Variants in SCP2 observed in about 807,000 individuals in gnomAD.
SCP2 encodes sterol carrier protein 2.
SCP2 carries 48 observed loss-of-function variants against 71.4 expected under a neutral mutation model. The ratio of observed to expected loss-of-function variants is 0.67; its 90% CI spans 0.53 to 0.86. The LOEUF is 0.86. SCP2 is among the 40% of genes least tolerant of loss of function. SCP2 has a pLI of 0.00. For synonymous variants in SCP2, 220 were observed against 218.1 expected (o/e 1.01, Z -0.08); for missense variants, 560 against 655.6 (o/e 0.85, Z 1.59).
chr1:52,939,113 T>TC (rs1286396140), intron 1 of SCP2, among the ~76,000 whole-genome samples: 1 of 152,246 alleles, frequency 6.6e-6, no homozygotes, highest in Non-Finnish European at 1.5e-5. Flanking sequence ...TTCCATGTTT[T>TC]CTCATAGCTT....
intron 5 of SCP2, among the ~76,000 whole-genome samples, chr1:52,955,256 A>G (rs1655690988): frequency 6.6e-6 from 1 of 152,230 alleles, no homozygotes; most frequent in Non-Finnish European, 1.5e-5. Flanking sequence ...TGAGTGCCAG[A>G]GAATTAACAT....
chr1:52,959,670 A>T, intron 5 of SCP2, among the ~76,000 whole-genome samples: 1 of 151,952 alleles, frequency 6.6e-6, no homozygotes, highest in East Asian at 1.9e-4. Flanking sequence ...CCTTCACGGA[A>T]TTTGTCCAGT....
chr1:52,956,414 C>T (rs1257339310), intron 5 of SCP2, among the ~76,000 whole-genome samples: 2 of 152,176 alleles, frequency 1.3e-5, no homozygotes, highest in Non-Finnish European at 2.9e-5. Flanking sequence ...CATTAAAGGA[C>T]CTCTACCCCA....
intron 12 of SCP2, among the ~76,000 whole-genome samples, chr1:53,021,315 C>G (rs1661704293): frequency 7.8e-6 from 1 of 127,740 alleles, no homozygotes; most frequent in Non-Finnish European, 1.6e-5. Context: ...GGCCGTCAAC[C>G]ACTTTTTTTT....
intron 12 of SCP2, among the ~76,000 whole-genome samples, chr1:53,021,313 A>G (rs953969470): frequency 1.6e-5 from 2 of 124,514 alleles, no homozygotes; most frequent in Non-Finnish European, 3.2e-5. Context: ...CTGGCCGTCA[A>G]CCACTTTTTT....
intron 11 of SCP2, chr1:52,994,044 G>T (rs969816148): frequency 8.6e-7 from 1 of 1,159,710 alleles, no homozygotes; most frequent in Non-Finnish European, 1.1e-6. Flanking sequence ...TACCGTATCT[G>T]TATGTAAATG....
chr1:52,934,856 G>A (rs1653551005), intron 1 of SCP2: 1 of 149,172 alleles, frequency 6.7e-6, no homozygotes, highest in African/African-American at 2.4e-5. Context: ...TAGTAGAGAT[G>A]GGGTTTCACG....
chr1:52,996,174 G>C, intron 11 of SCP2: 1 of 392,298 alleles, frequency 2.5e-6, no homozygotes, highest in Non-Finnish European at 4.5e-6. Context: ...CACTCAATAA[G>C]TATTTGTCTG....
intron 14 of SCP2, among the ~76,000 whole-genome samples, chr1:53,039,358 T>A (rs1349263885): frequency 6.6e-6 from 1 of 152,224 alleles, no homozygotes; most frequent in African/African-American, 2.4e-5. Context: ...CTTCTGTAAA[T>A]GGGCTTAATA....
At chr1:52,975,300 CCTCCCG>C (rs1657863324) in intron 7 of SCP2, among the ~76,000 whole-genome samples, 2 of 152,286 alleles carry the variant, frequency 1.3e-5, no homozygotes, top group East Asian at 1.9e-4. Flanking sequence ...CCTGCCTCAG[CCTCCCG>C]AGTAGCTGGG....
intron 11 of SCP2, among the ~76,000 whole-genome samples, chr1:52,989,420 C>T (rs1557590473): frequency 2.6e-5 from 4 of 152,278 alleles, no homozygotes; most frequent in South Asian, 2.1e-4. Context: ...GTGAGAGCAA[C>T]GAGCTTTGTG....
At chr1:53,029,132 ATTAG>A (rs1662343783) in intron 13 of SCP2, among the ~76,000 whole-genome samples, 1 of 152,160 alleles carries the variant, frequency 6.6e-6, no homozygotes, top group Non-Finnish European at 1.5e-5. Context: ...ATATACAATA[ATTAG>A]TTCTTGATAG....
At chr1:53,039,495 A>T (rs1382511407) in intron 14 of SCP2, among the ~76,000 whole-genome samples, 2 of 152,172 alleles carry the variant, frequency 1.3e-5, no homozygotes, top group Non-Finnish European at 2.9e-5. Context: ...ATCGCCAGTT[A>T]TTCTTATCCA....
chr1:52,934,546 T>C (rs1022115532), intron 1 of SCP2, among the ~76,000 whole-genome samples: 8 of 138,832 alleles, frequency 5.8e-5, no homozygotes, highest in Non-Finnish European at 1.1e-4. Context: ...TAACAGAGTA[T>C]GAAAAATTCA....
chr1:52,980,021 T>C (rs1658342104), intron 9 of SCP2, among the ~76,000 whole-genome samples: 1 of 151,936 alleles, frequency 6.6e-6, no homozygotes, highest in South Asian at 2.1e-4. Flanking sequence ...TCATCCAGGC[T>C]GGAATTCAGT....
At chr1:52,993,327 T>A in intron 11 of SCP2, 1 of 1,614,210 alleles carries the variant, frequency 6.2e-7, no homozygotes. Flanking sequence ...TCTACATTCA[T>A]CCTAATCTTT....
At chr1:52,950,103 A>G (rs1402084157) in intron 3 of SCP2, among the ~76,000 whole-genome samples, 1 of 150,430 alleles carries the variant, frequency 6.6e-6, no homozygotes, top group African/African-American at 2.5e-5. Context: ...GCATAGGTTT[A>G]AAGATTTTAT....
chr1:52,944,776 C>G (rs1414576518), intron 2 of SCP2, among the ~76,000 whole-genome samples: 4 of 151,854 alleles, frequency 2.6e-5, no homozygotes. Context: ...AATCCCAACA[C>G]GTTGAGAGGC....
In SCP2 at chr1:52,927,334, T is replaced by A; in HGVS notation, c.-63T>A. On this transcript the variant is annotated 5_prime_UTR_variant, in exon 1 of 16. Coordinates refer to ENST00000371514, the MANE Select transcript of SCP2 (RefSeq NM_002979.5). ...CGGGCTTCAGGGAGCTCTGGTGCAG[T>A]CTCCGCCTGTCAGTGCCGGCAGTCG... 7.1e-7 allele frequency: 1 copy of A among 1,404,388 alleles called. No individual in the cohort carries two copies. Among genetic ancestry groups the A allele is most frequent in the South Asian group, 1.2e-5 (1 of 81,210 alleles). The allele number at this position is 1,404,388 out of a possible 1,614,324, so 87.0% of individuals were successfully genotyped here. A position where few individuals can be genotyped will look rare whatever the true frequency, so the allele number is the denominator to read the frequency against.
Sources: gnomAD v4.1 joint callset for allele counts (sites outside exome capture counted in the v4.1 genomes callset) on GRCh38, gnomAD v4.1.1 for gene constraint, MANE v1.5 for transcripts, NCBI Gene and HGNC (gene_info 2026-07-23, HGNC 2026-07-21) for gene names.